GAS2: variants seen among roughly 807,000 people sequenced by gnomAD.
GAS2 encodes the protein growth arrest-specific protein 2.
Under a neutral mutation model 37.5 loss-of-function variants are expected in GAS2, and 20 were observed. The ratio of observed to expected loss-of-function variants is 0.53; its 90% CI spans 0.37 to 0.77. GAS2 has a LOEUF of 0.77. GAS2 is among the 30% of genes least tolerant of loss of function. The pLI is 0.00. For missense variants in GAS2, 336 were observed against 373.4 expected (o/e 0.90, Z 0.82); for synonymous variants, 144 against 132.2 (o/e 1.09, Z -0.61).
chr11:22,710,786 A>T (rs1441157616), intron 3 of GAS2, among the ~76,000 whole-genome samples: 2 of 152,130 alleles, frequency 1.3e-5, no homozygotes, highest in Admixed American at 6.5e-5. Context: ...GGTTTCCAAG[A>T]TGGAAGTGTC....
chr11:22,733,490 C>T (rs1445522133), intron 4 of GAS2, among the ~76,000 whole-genome samples: 1 of 151,694 alleles, frequency 6.6e-6, no homozygotes, highest in East Asian at 1.9e-4. Flanking sequence ...GCTTTCATTT[C>T]TTTGCCCATC....
intron 7 of GAS2, among the ~76,000 whole-genome samples, chr11:22,765,154 G>A (rs1854617953): frequency 6.6e-6 from 1 of 151,928 alleles, no homozygotes; most frequent in East Asian, 1.9e-4. Flanking sequence ...CCATATATGT[G>A]TATTTTATAT....
intron 1 of GAS2, among the ~76,000 whole-genome samples, chr11:22,649,341 G>C (rs966806471): frequency 2.0e-5 from 3 of 151,864 alleles, no homozygotes; most frequent in African/African-American, 7.3e-5. Flanking sequence ...GAGGATTTTT[G>C]CATCAATGTT....
rs766156870 is a variant in GAS2, at chr11:22,675,023, A to G, written c.145+9A>G. 31 of 1,611,758 alleles carry G rather than the reference A, an allele frequency of 1.9e-5. No individual in the cohort carries two copies. The highest frequency in any genetic ancestry group is 2.5e-5 in the Non-Finnish European group (30 of 1,178,942). On this transcript the variant is annotated intron_variant, in intron 2 of 7. Transcript: ENST00000454584. ...GTTAACCAATCTATTAGGTAAGGTT[A>G]TAAGATCTCATTTTGTGAGCAAAGA...
chr11:22,717,226 T>A (rs1296770692), intron 3 of GAS2, among the ~76,000 whole-genome samples: 1 of 152,110 alleles, frequency 6.6e-6, no homozygotes, highest in Admixed American at 6.6e-5. Flanking sequence ...TCCGATGGCA[T>A]CACATTACCC....
At chr11:22,722,315 A>G (rs1304238277) in intron 3 of GAS2, among the ~76,000 whole-genome samples, 2 of 151,942 alleles carry the variant, frequency 1.3e-5, no homozygotes, top group African/African-American at 4.8e-5. Context: ...AGCTATAAGT[A>G]TGTATGTTGG....
At chr11:22,679,641 T>C (rs918652941) in intron 2 of GAS2, among the ~76,000 whole-genome samples, 2 of 152,146 alleles carry the variant, frequency 1.3e-5, no homozygotes, top group Non-Finnish European at 2.9e-5. Context: ...CACATGTATT[T>C]TTAATTTAAA....
intron 7 of GAS2, among the ~76,000 whole-genome samples, chr11:22,768,118 A>G (rs1854788138): frequency 1.3e-5 from 2 of 152,218 alleles, no homozygotes; most frequent in African/African-American, 4.8e-5. Flanking sequence ...TTCATGATAT[A>G]GTCTGCCATC....
At chr11:22,788,995 C>T (rs1199383237) in intron 7 of GAS2, among the ~76,000 whole-genome samples, 1 of 151,338 alleles carries the variant, frequency 6.6e-6, no homozygotes, top group Non-Finnish European at 1.5e-5. Flanking sequence ...ATTTTAAATC[C>T]CTCTATGTGC....
At chr11:22,629,907 T>C (rs1366661707) in intron 1 of GAS2, among the ~76,000 whole-genome samples, 3 of 152,202 alleles carry the variant, frequency 2.0e-5, no homozygotes, top group African/African-American at 7.2e-5. Flanking sequence ...GAAGAGTTTT[T>C]CCTAAGTTTT....
intron 7 of GAS2, among the ~76,000 whole-genome samples, chr11:22,763,851 C>T (rs1367424880): frequency 1.3e-5 from 2 of 152,154 alleles, no homozygotes; most frequent in Non-Finnish European, 2.9e-5. Context: ...TTTCCAAACT[C>T]AGTTCTCCCA....
intron 7 of GAS2, among the ~76,000 whole-genome samples, chr11:22,765,910 G>A (rs1854666778): frequency 6.6e-6 from 1 of 152,174 alleles, no homozygotes; most frequent in African/African-American, 2.4e-5. Flanking sequence ...TTCTATACAC[G>A]GTGGAAGAAA....
chr11:22,704,466 C>G (rs926009137), intron 3 of GAS2, among the ~76,000 whole-genome samples: 1 of 149,868 alleles, frequency 6.7e-6, no homozygotes, highest in Admixed American at 6.7e-5. Flanking sequence ...ATACCAGGAT[C>G]GATTGTAATA....
At chr11:22,626,447 C>T (rs1858654241) in intron 1 of GAS2, 2 of 153,758 alleles carry the variant, frequency 1.3e-5, no homozygotes, top group Non-Finnish European at 2.9e-5. Context: ...ATTTCGTTTT[C>T]GTAATTTTTA....
At chr11:22,773,175 C>T (rs966674721) in intron 7 of GAS2, among the ~76,000 whole-genome samples, 2 of 152,068 alleles carry the variant, frequency 1.3e-5, no homozygotes, top group African/African-American at 2.4e-5. Flanking sequence ...TGTCTGTGGT[C>T]GCGGTTCATT....
rs533970691 is a variant in GAS2, at chr11:22,715,511, G to A, written c.268-10781G>A. ...AAAGAAAAGAAAAGAAACAAAACAA[G>A]AGATATTACATTCGATAACACAGAA... On this transcript the variant is annotated intron_variant, in intron 3 of 7. Transcript: ENST00000454584. Among the ~76,000 whole-genome samples the A allele has an allele frequency of 2.0e-3, 247 of 122,210 alleles. 2 individuals carry two copies. Among genetic ancestry groups the A allele is most frequent in the African/African-American group, 7.3e-3 (234 of 32,012 alleles). The allele number at this position is 122,210 out of a possible 152,430, so 80.2% of individuals were successfully genotyped here. A position where few individuals can be genotyped will look rare whatever the true frequency, so the allele number is the denominator to read the frequency against.
At chr11:22,641,322 C>CTTTATATGTA (rs201435699) in intron 1 of GAS2, among the ~76,000 whole-genome samples, 1 of 140,324 alleles carries the variant, frequency 7.1e-6, no homozygotes, top group Non-Finnish European at 1.5e-5. Context: ...ATTTATATAT[C>CTTTATATGTA]TTTATATATA....
chr11:22,709,340 A>T (rs561448854), intron 3 of GAS2, among the ~76,000 whole-genome samples: 1 of 152,286 alleles, frequency 6.6e-6, no homozygotes, highest in Admixed American at 6.5e-5. Flanking sequence ...GATACAACTA[A>T]TAGTCAACTC....
At chr11:22,796,652 T>C (rs1378549140) in intron 7 of GAS2, among the ~76,000 whole-genome samples, 1 of 152,160 alleles carries the variant, frequency 6.6e-6, no homozygotes, top group African/African-American at 2.4e-5. Flanking sequence ...TAATAGTTTT[T>C]CAGAGTATCT....
Sources: gnomAD v4.1 joint callset for allele counts (sites outside exome capture counted in the v4.1 genomes callset) on GRCh38, gnomAD v4.1.1 for gene constraint, MANE v1.5 for transcripts, NCBI Gene and HGNC (gene_info 2026-07-23, HGNC 2026-07-21) for gene names.